BARX2: variants seen among roughly 807,000 people sequenced by gnomAD.
BARX2 encodes homeobox protein BarH-like 2.
BARX2 carries 11 observed loss-of-function variants against 25.5 expected under a neutral mutation model. The observed-to-expected ratio is 0.43, with a 90% confidence interval of 0.27 to 0.71. BARX2 has a LOEUF of 0.71. Among genes scored for constraint, BARX2 ranks in the 30% least tolerant of loss-of-function variants. BARX2 has a pLI of 0.19. For missense variants in BARX2, 360 were observed against 359.9 expected (o/e 1.00, Z 0.00); for synonymous variants, 137 against 149.5 (o/e 0.92, Z 0.61).
chr11:129,407,513 C>T (rs993704046), intron 1 of BARX2, among the ~76,000 whole-genome samples: 1 of 152,204 alleles, frequency 6.6e-6, no homozygotes, highest in Non-Finnish European at 1.5e-5. Context: ...CTTTGCACTT[C>T]TGTTGAGACT....
chr11:129,425,155 T>C (rs958261974), intron 1 of BARX2, among the ~76,000 whole-genome samples: 3 of 152,204 alleles, frequency 2.0e-5, no homozygotes, highest in African/African-American at 7.2e-5. Flanking sequence ...GAAATCCTGA[T>C]TCCAGGTAAA....
intron 1 of BARX2, among the ~76,000 whole-genome samples, chr11:129,413,270 A>T (rs1861908415): frequency 6.6e-6 from 1 of 152,224 alleles, no homozygotes; most frequent in South Asian, 2.1e-4. Flanking sequence ...AACTTAAAGG[A>T]ATTTGTCAAA....
intron 1 of BARX2, among the ~76,000 whole-genome samples, chr11:129,414,490 T>C (rs1206937332): frequency 1.3e-5 from 2 of 152,228 alleles, no homozygotes; most frequent in Non-Finnish European, 2.9e-5. Flanking sequence ...GTATTAATGA[T>C]AGCCACTAGG....
Position 129,407,272 on chromosome 11 carries a change from T to C in BARX2, c.188-29479T>C, listed in dbSNP as rs370973535. Among the ~76,000 whole-genome samples the C allele has an allele frequency of 5.9e-5, 9 of 152,322 alleles. No homozygotes were observed. The South Asian group carries it at 1.7e-3, about 28-fold the overall frequency. On this transcript the variant is annotated intron_variant, in intron 1 of 3. Transcript: ENST00000281437. ...ACTCCTACATCTTCATGTAACACAT[T>C]TGAGAAACCTCAGTTGAGCACCTGT...
chr11:129,376,097 G>C lies in BARX2; in HGVS notation c.62G>C (p.Arg21Pro), dbSNP rs750105840. Residue 21 changes from arginine to proline, a missense_variant, in exon 1 of 4, where the codon CGC becomes CCC. Transcript: ENST00000281437. The surrounding 1 kb of genome is among the most constrained non-coding windows in gnomAD (Gnocchi z 4.2). ...GGCCAGCTCAAAGCAGCCAGGCGGC[G>C]CTACAAGACTTTCATGATCGACGAG... ...SPGQLKAARR[R>P]YKTFMIDEIL... 1 of 1,611,630 alleles carries C rather than the reference G, an allele frequency of 6.2e-7. No homozygotes were observed. Among genetic ancestry groups the C allele is most frequent in the Non-Finnish European group, 8.5e-7 (1 of 1,179,016 alleles).
intron 1 of BARX2, among the ~76,000 whole-genome samples, chr11:129,429,911 C>T (rs936960253): frequency 6.6e-6 from 1 of 152,124 alleles, no homozygotes; most frequent in Non-Finnish European, 1.5e-5. Flanking sequence ...TCTAAATAGC[C>T]TTCACTCTCC....
At chr11:129,419,725 C>T (rs552485322) in intron 1 of BARX2, among the ~76,000 whole-genome samples, 7 of 152,026 alleles carry the variant, frequency 4.6e-5, no homozygotes, top group South Asian at 4.2e-4. Flanking sequence ...TGCTTGTGGG[C>T]GGTTGACTCT....
At chr11:129,428,877 T>A (rs1030612103) in intron 1 of BARX2, among the ~76,000 whole-genome samples, 11 of 152,194 alleles carry the variant, frequency 7.2e-5, no homozygotes, top group Admixed American at 6.6e-4. Context: ...ACGGGGGCGC[T>A]CTCAGCCAGT....
intron 1 of BARX2, among the ~76,000 whole-genome samples, chr11:129,424,029 T>C (rs1454507580): frequency 1.3e-5 from 2 of 152,168 alleles, no homozygotes; most frequent in African/African-American, 4.8e-5. Flanking sequence ...TTTGTATTTT[T>C]AATAGAGACA....
chr11:129,439,779 A>G (rs563721876), intron 2 of BARX2, among the ~76,000 whole-genome samples: 2 of 152,194 alleles, frequency 1.3e-5, no homozygotes, highest in South Asian at 2.1e-4. Flanking sequence ...CTTCCCTAGC[A>G]TATAATTGAG....
intron 1 of BARX2, among the ~76,000 whole-genome samples, chr11:129,426,584 C>A (rs951462937): frequency 6.6e-5 from 10 of 152,162 alleles, no homozygotes; most frequent in African/African-American, 2.4e-4. Context: ...TGTTGGTTGG[C>A]CAGGCTGGTC....
chr11:129,375,335 A>C (rs941255648), upstream of BARX2, among the ~76,000 whole-genome samples: 10 of 152,156 alleles, frequency 6.6e-5, no homozygotes, highest in South Asian at 2.1e-4. This position sits in a 1 kb window ranked among gnomAD's most constrained non-coding sequence, Gnocchi z 4.0. Flanking sequence ...CCTCGGGGGC[A>C]CTGGCTCTGT....
chr11:129,405,700 A>G (rs949929888), intron 1 of BARX2, among the ~76,000 whole-genome samples: 1 of 152,232 alleles, frequency 6.6e-6, no homozygotes, highest in Non-Finnish European at 1.5e-5. Context: ...ATGACTTTCA[A>G]TAGGCAAAAA....
rs753118975 is a variant in BARX2 at position 129,419,335 on chromosome 11, C to T, written c.188-17416C>T. On this transcript the variant is annotated intron_variant, in intron 1 of 3. Transcript: ENST00000281437. ...AGTTTGATGTTTTTGTCGCTAGAAACGTGCTGTAGGAACTTCACTCTTGTT... is the reference window on the plus strand; with the variant it reads ...AGTTTGATGTTTTTGTCGCTAGAAATGTGCTGTAGGAACTTCACTCTTGTT... 2.6e-5 allele frequency among the ~76,000 whole-genome samples: 4 copies of T among 152,196 alleles called. No homozygotes were observed. The South Asian group carries it at 8.3e-4, about 31-fold the overall frequency.
chr11:129,396,453 A>G (rs903523266), intron 1 of BARX2, among the ~76,000 whole-genome samples: 3 of 151,716 alleles, frequency 2.0e-5, no homozygotes, highest in African/African-American at 7.3e-5. Context: ...CTAGTAGACT[A>G]TATTTTCTGC....
At chr11:129,407,489 A>T (rs1292395898) in intron 1 of BARX2, among the ~76,000 whole-genome samples, 1 of 152,176 alleles carries the variant, frequency 6.6e-6, no homozygotes, top group African/African-American at 2.4e-5. Context: ...ATAACACTTT[A>T]TGCACAGTCT....
chr11:129,400,183 G>C (rs1861761603), intron 1 of BARX2, among the ~76,000 whole-genome samples: 1 of 152,188 alleles, frequency 6.6e-6, no homozygotes, highest in South Asian at 2.1e-4. Flanking sequence ...CTTTTTGCCA[G>C]GTTGAGAGGT....
intron 1 of BARX2, among the ~76,000 whole-genome samples, chr11:129,388,101 G>GTA (rs1193591033): frequency 6.6e-6 from 1 of 151,632 alleles, no homozygotes; most frequent in African/African-American, 2.4e-5. Context: ...TACTGTGTGT[G>GTA]TGTGTGTGTG....
At chr11:129,391,911 T>C (rs758361230) in intron 1 of BARX2, among the ~76,000 whole-genome samples, 31 of 152,186 alleles carry the variant, frequency 2.0e-4, no homozygotes, top group Non-Finnish European at 2.9e-4. Context: ...GTTTGAGATT[T>C]GGATGACAGT....
Sources: allele counts gnomAD v4.1 joint callset (sites outside exome capture counted in the v4.1 genomes callset), GRCh38; gene constraint gnomAD v4.1.1; non-coding constraint Gnocchi (gnomAD v3.1); transcripts MANE v1.5; gene names NCBI Gene and HGNC (gene_info 2026-07-23, HGNC 2026-07-21).